Variants in AAK1 observed in about 807,000 individuals in gnomAD.
AAK1 encodes AP2-associated protein kinase 1.
A neutral mutation model predicts 116.0 loss-of-function variants in AAK1; 37 were observed. That is an observed-to-expected ratio of 0.32 (90% CI 0.25 to 0.42). AAK1 has a LOEUF of 0.42. AAK1 is among the 10% of genes least tolerant of loss of function. The pLI is 1.00. For missense variants in AAK1, 919 were observed against 1,170.6 expected (o/e 0.79, Z 3.14); for synonymous variants, 458 against 439.9 (o/e 1.04, Z -0.51).
intron 11 of AAK1, among the ~76,000 whole-genome samples, chr2:69,520,593 C>T (rs960454878): frequency 6.6e-6 from 1 of 152,050 alleles, no homozygotes; most frequent in African/African-American, 2.4e-5. Context: ...CGAAATCGAA[C>T]TGACCTCGGA....
intron 2 of AAK1, chr2:69,598,520 T>A (rs1258214535): frequency 6.5e-6 from 1 of 153,878 alleles, no homozygotes; most frequent in Non-Finnish European, 1.5e-5. Context: ...CTTTTTCTTT[T>A]TTTTTTTCTT....
At chr2:69,622,807 G>C (rs981588635) in intron 2 of AAK1, among the ~76,000 whole-genome samples, 1 of 152,040 alleles carries the variant, frequency 6.6e-6, no homozygotes, top group Non-Finnish European at 1.5e-5. Context: ...TACACCAATC[G>C]ACACTCCGCA....
At chr2:69,582,958 G>A (rs927973141) in intron 2 of AAK1, among the ~76,000 whole-genome samples, 1 of 152,124 alleles carries the variant, frequency 6.6e-6, no homozygotes, top group Non-Finnish European at 1.5e-5. Context: ...TACACCCACC[G>A]TGATCATATG....
chr2:69,518,411 GTTTT>G (rs71397333), intron 12 of AAK1, among the ~76,000 whole-genome samples: 2 of 132,612 alleles, frequency 1.5e-5, no homozygotes, highest in Admixed American at 7.2e-5. Context: ...AAAAAAAATA[GTTTT>G]TTTTTTTTTT....
At position 69,469,654 on chromosome 2, in the gene AAK1, C is replaced by T; in HGVS notation, c.*6215G>A. 3 of 985,478 alleles carry T rather than the reference C, an allele frequency of 3.0e-6. No individual in the cohort carries two copies. The highest frequency in any genetic ancestry group is 3.6e-6 in the Non-Finnish European group (3 of 829,948). The allele number at this position is 985,478 out of a possible 1,614,324, so 61.0% of individuals were successfully genotyped here. A position where few individuals can be genotyped will look rare whatever the true frequency, so the allele number is the denominator to read the frequency against. On this transcript the variant is annotated 3_prime_UTR_variant, in exon 22 of 22. Coordinates refer to ENST00000409085, the MANE Select transcript of AAK1 (RefSeq NM_014911.5). ...TACCTCAGGGGCTAAAGCCCAGGGC[C>T]TGGCTTCATAGTCTGCACAGGGTCT...
At chr2:69,584,899 ACT>A (rs1672698981) in intron 2 of AAK1, among the ~76,000 whole-genome samples, 1 of 151,750 alleles carries the variant, frequency 6.6e-6, no homozygotes, top group African/African-American at 2.4e-5. Flanking sequence ...AGCTTTCCAC[ACT>A]CTAAAAATCA....
At chr2:69,551,417 T>A (rs1041198550) in intron 3 of AAK1, among the ~76,000 whole-genome samples, 1 of 152,188 alleles carries the variant, frequency 6.6e-6, no homozygotes, top group Non-Finnish European at 1.5e-5. Flanking sequence ...AAAAATAAAA[T>A]AATCTGTTCC....
chr2:69,547,382 C>T (rs1670972560), intron 3 of AAK1, among the ~76,000 whole-genome samples: 1 of 151,978 alleles, frequency 6.6e-6, no homozygotes, highest in African/African-American at 2.4e-5. Context: ...ATTTAGTGTC[C>T]AGAATATGTG....
At chr2:69,618,164 C>T (rs936624214) in intron 2 of AAK1, among the ~76,000 whole-genome samples, 2 of 151,938 alleles carry the variant, frequency 1.3e-5, no homozygotes, top group Non-Finnish European at 2.9e-5. Context: ...CATGCAAGGT[C>T]TTTTTTGTCA....
At position 69,470,743 on chromosome 2, in the gene AAK1, T is replaced by C. The variant is rs1674647697; in HGVS notation, c.*5126A>G. 1.0e-6 allele frequency: 1 copy of C among 985,566 alleles called. No homozygotes were observed. 61.1% of individuals were successfully genotyped at this position (985,566 alleles called of 1,614,324 possible). ...CTTGAGACTAAAACAGGGGTTTTACTCTCTCAGGTAGCCATGATTCATTAA... is the reference window on the plus strand; with the variant it reads ...CTTGAGACTAAAACAGGGGTTTTACCCTCTCAGGTAGCCATGATTCATTAA... On this transcript the variant is annotated 3_prime_UTR_variant, in exon 22 of 22. Coordinates refer to ENST00000409085, the MANE Select transcript of AAK1 (RefSeq NM_014911.5).
Position 69,478,932 on chromosome 2 carries a change from A to G in AAK1, c.2680+19T>C, listed in dbSNP as rs1191918746. 2 of 1,575,322 alleles carry G rather than the reference A, an allele frequency of 1.3e-6. No homozygotes were observed. Among genetic ancestry groups the G allele is most frequent in the Non-Finnish European group, 1.7e-6 (2 of 1,144,930 alleles). Reference sequence around the variant, plus strand: ...CCCTCTAAGGACACATGTGGGCCTGAGAAGAAGAAAGCATTTACCTTTATG... The same window carrying G: ...CCCTCTAAGGACACATGTGGGCCTGGGAAGAAGAAAGCATTTACCTTTATG... On this transcript the variant is annotated intron_variant, in intron 20 of 21. Transcript: ENST00000409085.
intron 2 of AAK1, among the ~76,000 whole-genome samples, chr2:69,562,277 G>A (rs1189312967): frequency 6.6e-6 from 1 of 152,202 alleles, no homozygotes; most frequent in Non-Finnish European, 1.5e-5. Context: ...TCTAGTGGGT[G>A]TGTAGTGACA....
At chr2:69,556,116 A>G (rs776783809) in intron 3 of AAK1, among the ~76,000 whole-genome samples, 10 of 152,232 alleles carry the variant, frequency 6.6e-5, no homozygotes, top group Non-Finnish European at 1.0e-4. Flanking sequence ...TCTAATTAAC[A>G]TAACAAAATG....
At chr2:69,531,859 G>A (rs1572930904) in intron 6 of AAK1, 182 bp downstream of exon 6, 1 of 1,272,464 alleles carries the variant, frequency 7.9e-7, no homozygotes, top group Non-Finnish European at 1.0e-6. Flanking sequence ...ATGTATGCCT[G>A]TAAACCCCCT....
At chr2:69,587,909 G>A (rs1672860881) in intron 2 of AAK1, among the ~76,000 whole-genome samples, 1 of 151,862 alleles carries the variant, frequency 6.6e-6, no homozygotes, top group African/African-American at 2.4e-5. Context: ...CACCATGCCA[G>A]GCCTCATTTC....
intron 2 of AAK1, among the ~76,000 whole-genome samples, chr2:69,642,427 T>A (rs1559027537): frequency 6.6e-6 from 1 of 151,936 alleles, no homozygotes; most frequent in Non-Finnish European, 1.5e-5. Flanking sequence ...CTCTCTTCCT[T>A]CCAATGCCTG....
chr2:69,563,008 G>A (rs1331713445), intron 2 of AAK1, among the ~76,000 whole-genome samples: 2 of 152,182 alleles, frequency 1.3e-5, no homozygotes, highest in African/African-American at 2.4e-5. Context: ...AGGCTACAGT[G>A]AACTATGATG....
intron 2 of AAK1, among the ~76,000 whole-genome samples, chr2:69,613,389 C>T (rs549653669): frequency 1.3e-5 from 2 of 152,144 alleles, no homozygotes; most frequent in African/African-American, 2.4e-5. Flanking sequence ...AACACAAAAG[C>T]GTCTAAAACC....
At chr2:69,495,827 C>T (rs1293185982) in intron 17 of AAK1, among the ~76,000 whole-genome samples, 158 bp downstream of exon 17, 1 of 152,172 alleles carries the variant, frequency 6.6e-6, no homozygotes, top group East Asian at 1.9e-4. Context: ...GACAAGTTTA[C>T]TCCTCTTATT....
Sources: allele counts gnomAD v4.1 joint callset (sites outside exome capture counted in the v4.1 genomes callset), GRCh38; gene constraint gnomAD v4.1.1; transcripts MANE v1.5; gene names NCBI Gene and HGNC (gene_info 2026-07-23, HGNC 2026-07-21).